The following KIDINS220 variants were observed in gnomAD, a reference collection of about 807,000 sequenced individuals.
The protein encoded by KIDINS220 is kinase D-interacting substrate of 220 kDa.
Under a neutral mutation model 157.6 loss-of-function variants are expected in KIDINS220, and 63 were observed. The ratio of observed to expected loss-of-function variants is 0.40; its 90% CI spans 0.33 to 0.49. KIDINS220 has a LOEUF of 0.49. Ranked by LOEUF, KIDINS220 falls within the 20% of genes least tolerant of loss-of-function variation. The pLI, the probability that KIDINS220 is intolerant of heterozygous loss-of-function variation, is 0.66. For missense variants in KIDINS220, 1,772 were observed against 2,171.2 expected (o/e 0.82, Z 3.65); for synonymous variants, 732 against 783.6 (o/e 0.93, Z 1.10).
intron 17 of KIDINS220, among the ~76,000 whole-genome samples, chr2:8,784,864 G>A (rs1156608134): frequency 1.3e-5 from 2 of 152,134 alleles, no homozygotes; most frequent in African/African-American, 2.4e-5. Context: ...CTAACAAAAC[G>A]AAACATCATA....
chr2:8,764,460 T>C (rs935102656), intron 22 of KIDINS220, among the ~76,000 whole-genome samples: 4 of 152,208 alleles, frequency 2.6e-5, no homozygotes, highest in Admixed American at 2.0e-4. Flanking sequence ...ATTATGAATG[T>C]AAGAAACCTT....
chr2:8,795,452 C>T (rs757507788), intron 11 of KIDINS220, among the ~76,000 whole-genome samples: 7 of 152,120 alleles, frequency 4.6e-5, no homozygotes, highest in African/African-American at 1.2e-4. Context: ...AGAGCAGTGA[C>T]GGGCAAGGTA....
Position 8,728,878 on chromosome 2 carries a change from T to A in KIDINS220, c.*1842A>T. On this transcript the variant is annotated 3_prime_UTR_variant, in exon 30 of 30. Coordinates refer to ENST00000256707, the MANE Select transcript of KIDINS220 (RefSeq NM_020738.4). Reference sequence around the variant, plus strand: ...AAACAAACACACAAACTACTTTTATTTTTAATCAAAATGTGAATCATCATA... The same window carrying A: ...AAACAAACACACAAACTACTTTTATATTTAATCAAAATGTGAATCATCATA... The A allele has an allele frequency of 1.0e-6, 1 of 985,270 alleles. No homozygotes were observed. Among genetic ancestry groups the A allele is most frequent in the Non-Finnish European group, 1.2e-6 (1 of 829,518 alleles). The allele number at this position is 985,270 out of a possible 1,614,324, so 61.0% of individuals were successfully genotyped here. A position where few individuals can be genotyped will look rare whatever the true frequency, so the allele number is the denominator to read the frequency against.
intron 23 of KIDINS220, among the ~76,000 whole-genome samples, 166 bp from the exon 24 acceptor site, chr2:8,750,501 AG>A (rs1205884758): frequency 6.6e-6 from 1 of 152,174 alleles, no homozygotes; most frequent in African/African-American, 2.4e-5. Flanking sequence ...GAAAACTCAC[AG>A]GCCTTTTAGT....
At chr2:8,805,061 A>G (rs114067313) in intron 7 of KIDINS220, among the ~76,000 whole-genome samples, 213 of 152,296 alleles carry the variant, frequency 1.4e-3, no homozygotes, top group Non-Finnish European at 2.5e-3. Context: ...AGTACTATTT[A>G]CCAGTTTCCA....
At chr2:8,809,133 G>A (rs1003136205) in intron 6 of KIDINS220, among the ~76,000 whole-genome samples, 10 of 152,080 alleles carry the variant, frequency 6.6e-5, no homozygotes, top group African/African-American at 2.2e-4. Flanking sequence ...TGATTCTCCC[G>A]CTTTAGCCTC....
intron 25 of KIDINS220, 71 bp downstream of exon 25, chr2:8,747,816 A>C: frequency 2.1e-6 from 2 of 945,650 alleles, no homozygotes; most frequent in South Asian, 4.5e-5. Flanking sequence ...TGTAAAGGAA[A>C]TAACCAAACC....
chr2:8,751,567 A>G lies in KIDINS220; in HGVS notation c.3089T>C (p.Val1030Ala). ...EIDGDIRNFE[V>A]FLSSRTPVLV... ...AACTGGGGTCCTTGAAGACAAAAAC[A>G]CTTCAAAATTTCTTATATCTCCATC... is the stretch of plus-strand genomic sequence containing the variant. Residue 1030 changes from valine to alanine, a missense_variant, in exon 23 of 30, where the codon GTG becomes GCG. This residue lies in a region of KIDINS220 where 725 missense variants were observed against 1,017.1 expected (regional missense o/e 0.71). Coordinates refer to ENST00000256707, the MANE Select transcript of KIDINS220 (RefSeq NM_020738.4). 6.2e-7 allele frequency: 1 copy of G among 1,613,302 alleles called. No homozygotes were observed. The highest frequency in any genetic ancestry group is 8.5e-7 in the Non-Finnish European group (1 of 1,179,356).
At chr2:8,762,760 A>C (rs779487755) in intron 22 of KIDINS220, among the ~76,000 whole-genome samples, 109 of 152,236 alleles carry the variant, frequency 7.2e-4, no homozygotes, top group Middle Eastern at 3.4e-3. Context: ...AAAAAGAAGA[A>C]AAGAAAAGAA....
chr2:8,748,887 T>C (rs1231360517), intron 24 of KIDINS220, among the ~76,000 whole-genome samples: 3 of 152,208 alleles, frequency 2.0e-5, no homozygotes, highest in East Asian at 3.9e-4. Flanking sequence ...GAACATAGTA[T>C]TTCAGGCTAG....
intron 1 of KIDINS220, among the ~76,000 whole-genome samples, chr2:8,836,756 CCT>C (rs1680467775): frequency 6.6e-6 from 1 of 152,176 alleles, no homozygotes; most frequent in Non-Finnish European, 1.5e-5. Context: ...CCGAGCCACA[CCT>C]CAGGCCGAAG....
At chr2:8,833,603 A>G (rs1014263788) in intron 1 of KIDINS220, among the ~76,000 whole-genome samples, 29 of 151,980 alleles carry the variant, frequency 1.9e-4, no homozygotes, top group African/African-American at 7.0e-4. Flanking sequence ...GTTCTATACC[A>G]AATACCCAAC....
Position 8,730,893 on chromosome 2 carries a change from G to T in KIDINS220, c.5143C>A (p.Pro1715Thr). 2 of 1,614,164 alleles carry T rather than the reference G, an allele frequency of 1.2e-6. No individual in the cohort carries two copies. Among genetic ancestry groups the T allele is most frequent in the Non-Finnish European group, 8.5e-7 (1 of 1,180,044 alleles). The change falls in exon 30 of 30, where the codon CCT becomes ACT. Residue 1715 changes from proline to threonine, a missense_variant. Transcript: ENST00000256707. ...IRETSQVILR[P>T]SSSPNPTTIQ... ...GTGGTTGGGTTGGGACTGGAACTAG[G>T]CCTCAAAATGACTTGAGAAGTCTCC...
chr2:8,760,385 A>T (rs1269780511), intron 22 of KIDINS220, among the ~76,000 whole-genome samples: 2 of 152,226 alleles, frequency 1.3e-5, no homozygotes, highest in African/African-American at 4.8e-5. Flanking sequence ...AAAATGATTT[A>T]AAAATTGCAT....
At chr2:8,822,379 T>C (rs1246944961) in intron 2 of KIDINS220, among the ~76,000 whole-genome samples, 2 of 152,176 alleles carry the variant, frequency 1.3e-5, no homozygotes, top group African/African-American at 4.8e-5. Context: ...ATCCTAGCAC[T>C]TTGGGAGGCT....
chr2:8,730,062 C>T lies in KIDINS220; in HGVS notation c.*658G>A. The stretch of plus-strand genomic sequence containing the variant: ...AAACCCACGGAGGTCACCAGCCCTC[C>T]CCGCATCTACTCTCCTAACAGCTCA... On this transcript the variant is annotated 3_prime_UTR_variant, in exon 30 of 30. Coordinates refer to ENST00000256707, the MANE Select transcript of KIDINS220 (RefSeq NM_020738.4). 1.0e-6 allele frequency: 1 copy of T among 985,448 alleles called. No individual in the cohort carries two copies. The highest frequency in any genetic ancestry group is 1.2e-6 in the Non-Finnish European group (1 of 829,990). The allele number at this position is 985,448 out of a possible 1,614,324, so 61.0% of individuals were successfully genotyped here. A position where few individuals can be genotyped will look rare whatever the true frequency, so the allele number is the denominator to read the frequency against.
At chr2:8,791,287 A>G in intron 12 of KIDINS220, 63 bp from the exon 13 acceptor site, 3 of 1,390,332 alleles carry the variant, frequency 2.2e-6, no homozygotes, top group Non-Finnish European at 2.0e-6. Flanking sequence ...AATGAACACT[A>G]TTTTCATTGT....
At chr2:8,770,612 T>G (rs1210582965) in intron 22 of KIDINS220, 58 bp downstream of exon 22, 9 of 1,055,148 alleles carry the variant, frequency 8.5e-6, no homozygotes, top group Admixed American at 2.4e-5. Flanking sequence ...ACGCGTTTTT[T>G]TTTTTTTTTT....
chr2:8,727,948 C>G (rs1272913684), downstream of KIDINS220, among the ~76,000 whole-genome samples: 1 of 152,214 alleles, frequency 6.6e-6, no homozygotes, highest in African/African-American at 2.4e-5. Context: ...CCTGTACTCA[C>G]AGGCAGCACT....
Sources: allele counts gnomAD v4.1 joint callset (sites outside exome capture counted in the v4.1 genomes callset), GRCh38; gene constraint gnomAD v4.1.1; regional missense constraint gnomAD v4.1.1; transcripts MANE v1.5; gene names NCBI Gene and HGNC (gene_info 2026-07-23, HGNC 2026-07-21).